The following PTPRD variants were observed in gnomAD, a reference collection of about 807,000 sequenced individuals.
PTPRD encodes the protein receptor-type tyrosine-protein phosphatase delta.
PTPRD carries 34 observed loss-of-function variants against 214.5 expected under a neutral mutation model. The observed-to-expected ratio is 0.16, with a 90% CI of 0.12 to 0.21. PTPRD has a LOEUF of 0.21. PTPRD is among the 10% of genes least tolerant of loss of function. PTPRD has a pLI of 1.00. For synonymous variants in PTPRD, 1,128 were observed against 845.7 expected, an observed-to-expected ratio of 1.33 and a Z score of -5.79; for missense variants, 2,545 against 2,398.7, an observed-to-expected ratio of 1.06 and a Z score of -1.27.
intron 5 of PTPRD, among the ~76,000 whole-genome samples, chr9:9,862,054 A>G (rs565008109): frequency 6.6e-6 from 1 of 152,312 alleles, no homozygotes; most frequent in African/African-American, 2.4e-5. Context: ...AGATTTGAAA[A>G]GATAAGATTA....
At chr9:9,427,758 C>A (rs146931810) in intron 8 of PTPRD, among the ~76,000 whole-genome samples, 47 of 152,294 alleles carry the variant, frequency 3.1e-4, no homozygotes, top group East Asian at 2.3e-3. Flanking sequence ...GGCCACTACT[C>A]AACATGCTTA....
rs147788417 is a variant in PTPRD, at chr9:8,473,626, T to G, written c.3414-2541A>C. Among the ~76,000 whole-genome samples, 1,089 of 152,288 alleles carry G rather than the reference T, an allele frequency of 7.2e-3. 17 individuals are homozygous for G. The highest frequency in any genetic ancestry group is 0.024 in the African/African-American group (1,017 of 41,568). On this transcript the variant is annotated intron_variant, in intron 30 of 45. Coordinates refer to ENST00000381196, the MANE Select transcript of PTPRD (RefSeq NM_002839.4). ...AGAATCTTGTAAATCAAGGTTAAGC[T>G]GATGAGTTTCATTAATTTTTTCTTC...
intron 3 of PTPRD, among the ~76,000 whole-genome samples, chr9:10,262,699 A>G (rs1278815302): frequency 6.6e-6 from 1 of 152,150 alleles, no homozygotes; most frequent in East Asian, 1.9e-4. Context: ...TCTGGGACTT[A>G]TTTTTCTTAT....
chr9:9,681,638 C>T (rs971477731), intron 7 of PTPRD, among the ~76,000 whole-genome samples: 8 of 151,744 alleles, frequency 5.3e-5, no homozygotes, highest in African/African-American at 1.7e-4. Flanking sequence ...CACCAGATTG[C>T]GTCCCTTCTC....
At chr9:8,677,842 G>A (rs572905732) in intron 12 of PTPRD, among the ~76,000 whole-genome samples, 3 of 152,192 alleles carry the variant, frequency 2.0e-5, no homozygotes, top group South Asian at 2.1e-4. Context: ...CTTGGGAAGC[G>A]AGCAACACAT....
intron 2 of PTPRD, among the ~76,000 whole-genome samples, chr9:10,427,829 C>T (rs2098637896): frequency 6.6e-6 from 1 of 151,984 alleles, no homozygotes; most frequent in South Asian, 2.1e-4. Flanking sequence ...CGCCTACCTC[C>T]ATGTGAATTA....
At chr9:9,970,023 G>A (rs1295828756) in intron 4 of PTPRD, among the ~76,000 whole-genome samples, 1 of 151,990 alleles carries the variant, frequency 6.6e-6, no homozygotes, top group Non-Finnish European at 1.5e-5. Flanking sequence ...GAGAAAAATG[G>A]GTACATGGGG....
At chr9:9,557,100 G>C (rs149314014) in intron 8 of PTPRD, among the ~76,000 whole-genome samples, 2,474 of 152,236 alleles carry the variant, frequency 0.016, 38 homozygotes, top group Admixed American at 0.024. Flanking sequence ...TCAGCAAATT[G>C]TCTGGGTTTC....
intron 30 of PTPRD, among the ~76,000 whole-genome samples, chr9:8,480,776 C>T (rs1293796380): frequency 6.6e-6 from 1 of 151,944 alleles, no homozygotes; most frequent in Non-Finnish European, 1.5e-5. Context: ...GAATATAATC[C>T]CGCTGTCATA....
chr9:9,934,446 G>A (rs200919164), intron 5 of PTPRD, among the ~76,000 whole-genome samples: 12,434 of 110,868 alleles, frequency 0.11, 969 homozygotes, highest in Middle Eastern at 0.3. Flanking sequence ...TACTACAAAC[G>A]CCTCTATGCA....
At chr9:10,182,115 C>G (rs2099296525) in intron 3 of PTPRD, among the ~76,000 whole-genome samples, 1 of 147,120 alleles carries the variant, frequency 6.8e-6, no homozygotes, top group Non-Finnish European at 1.5e-5. Context: ...AAAAAAAAAT[C>G]CGGGTGTGGT....
chr9:9,097,742 A>G (rs917743557), intron 10 of PTPRD, among the ~76,000 whole-genome samples: 2 of 152,144 alleles, frequency 1.3e-5, no homozygotes, highest in African/African-American at 4.8e-5. Flanking sequence ...TTGGGAGACA[A>G]TTCTCTATGG....
At chr9:9,605,162 G>A (rs947170849) in intron 7 of PTPRD, among the ~76,000 whole-genome samples, 11 of 151,900 alleles carry the variant, frequency 7.2e-5, no homozygotes, top group African/African-American at 2.7e-4. Context: ...ATTATTCCCT[G>A]GGTCTACATG....
chr9:9,163,623 T>C (rs2099895141), intron 10 of PTPRD, among the ~76,000 whole-genome samples: 1 of 152,128 alleles, frequency 6.6e-6, no homozygotes, highest in Non-Finnish European at 1.5e-5. Flanking sequence ...AGTGCACCTA[T>C]GAGAATACAG....
At chr9:8,489,730 A>C (rs1367591027) in intron 27 of PTPRD, among the ~76,000 whole-genome samples, 2 of 152,200 alleles carry the variant, frequency 1.3e-5, no homozygotes, top group East Asian at 3.9e-4. Flanking sequence ...AAAAAAGGGA[A>C]AAGGAATGAG....
chr9:9,995,794 C>G (rs1422552764), intron 4 of PTPRD, among the ~76,000 whole-genome samples: 4 of 151,954 alleles, frequency 2.6e-5, no homozygotes, highest in African/African-American at 9.7e-5. Context: ...ACTTTTCTGC[C>G]CCCAGATTAT....
chr9:9,499,850 A>G (rs2096345139), intron 8 of PTPRD, among the ~76,000 whole-genome samples: 1 of 152,072 alleles, frequency 6.6e-6, no homozygotes, highest in African/African-American at 2.4e-5. Context: ...TAAGAGACTA[A>G]TGAATTATAG....
chr9:8,375,162 G>A (rs2082843079), intron 39 of PTPRD, among the ~76,000 whole-genome samples: 1 of 151,832 alleles, frequency 6.6e-6, no homozygotes, highest in South Asian at 2.1e-4. Context: ...GTAATAAATA[G>A]ACTCTGACCA....
At chr9:9,924,916 G>A (rs184423135) in intron 5 of PTPRD, among the ~76,000 whole-genome samples, 1 of 152,062 alleles carries the variant, frequency 6.6e-6, no homozygotes, top group Non-Finnish European at 1.5e-5. Flanking sequence ...CTCCTAGCTA[G>A]AGTGCATGAA....
Sources: gnomAD v4.1 joint callset for allele counts (sites outside exome capture counted in the v4.1 genomes callset) on GRCh38, gnomAD v4.1.1 for gene constraint, MANE v1.5 for transcripts, NCBI Gene and HGNC (gene_info 2026-07-23, HGNC 2026-07-21) for gene names.